SLC25A46: variants seen among roughly 807,000 people sequenced by gnomAD.
SLC25A46 encodes mitochondrial outer membrane protein SLC25A46.
A neutral mutation model predicts 44.6 loss-of-function variants in SLC25A46; 39 were observed. That is an observed-to-expected ratio of 0.87 (90% CI 0.68 to 1.14). The LOEUF is 1.14. Among genes scored for constraint, SLC25A46 ranks in the 50% most tolerant of loss-of-function variants. The pLI, the probability that SLC25A46 is intolerant of heterozygous loss-of-function variation, is 0.00. For synonymous variants in SLC25A46, 202 were observed against 185.8 expected, an observed-to-expected ratio of 1.09 and a Z score of -0.71; for missense variants, 547 against 522.7, an observed-to-expected ratio of 1.05 and a Z score of -0.45.
At chr5:110,759,343 G>T (rs10463431) in intron 7 of SLC25A46, among the ~76,000 whole-genome samples, 1 of 152,222 alleles carries the variant, frequency 6.6e-6, no homozygotes, top group East Asian at 1.9e-4. Flanking sequence ...TGCATATTTG[G>T]GAGAATATTC....
Position 110,739,410 on chromosome 5 carries a change from G to A in SLC25A46, c.283+8G>A. 1.3e-6 allele frequency: 2 copies of A among 1,538,008 alleles called. No homozygotes were observed. Among genetic ancestry groups the A allele is most frequent in the Non-Finnish European group, 1.7e-6 (2 of 1,147,662 alleles). ...TGCAGGGGCAGAGCAGTGGTGAGAAGCATGGGGACCGACACAGGGATGAGG... is the reference window on the plus strand; with the variant it reads ...TGCAGGGGCAGAGCAGTGGTGAGAAACATGGGGACCGACACAGGGATGAGG... On this transcript the variant is annotated splice_region_variant and intron_variant, in intron 1 of 7. Transcript: ENST00000355943.
At chr5:110,758,086 G>A (rs1387505952) in intron 7 of SLC25A46, among the ~76,000 whole-genome samples, 1 of 152,062 alleles carries the variant, frequency 6.6e-6, no homozygotes, top group Non-Finnish European at 1.5e-5. Flanking sequence ...CCTGCTTCAA[G>A]TTCCACTTGC....
chr5:110,753,003 C>G (rs1800006522), intron 5 of SLC25A46, among the ~76,000 whole-genome samples: 1 of 152,068 alleles, frequency 6.6e-6, no homozygotes, highest in Non-Finnish European at 1.5e-5. Context: ...GGATAAAAAC[C>G]AACAGAATGG....
intron 4 of SLC25A46, 46 bp from the exon 5 acceptor site, chr5:110,748,116 TC>T: frequency 7.6e-7 from 1 of 1,318,146 alleles, no homozygotes; most frequent in East Asian, 2.3e-5. Context: ...CTTTTGTGTT[TC>T]AGATGTAGGT....
At chr5:110,748,098 A>G in intron 4 of SLC25A46, 65 bp from the exon 5 acceptor site, 1 of 1,122,138 alleles carries the variant, frequency 8.9e-7, no homozygotes, top group South Asian at 1.3e-5. Flanking sequence ...ATCAAGTTTT[A>G]TTAAGATCTT....
At chr5:110,754,751 T>A (rs1458293460) in intron 5 of SLC25A46, 1 of 152,122 alleles carries the variant, frequency 6.6e-6, no homozygotes, top group African/African-American at 2.4e-5. Flanking sequence ...GGTTCTTCTT[T>A]GTATCAAATA....
chr5:110,742,557 T>C (rs1010647898), intron 2 of SLC25A46, among the ~76,000 whole-genome samples: 22 of 152,058 alleles, frequency 1.4e-4, no homozygotes, highest in African/African-American at 5.3e-4. Context: ...AGTGATCTAG[T>C]TTCATTTTAT....
chr5:110,746,884 A>C (rs10069246), intron 4 of SLC25A46, among the ~76,000 whole-genome samples: 14,444 of 152,172 alleles, frequency 0.095, 812 homozygotes, highest in South Asian at 0.2. Flanking sequence ...AATGGAGTAC[A>C]ATGGGAGCTT....
intron 5 of SLC25A46, chr5:110,753,412 T>G (rs77574462): frequency 2.0e-5 from 3 of 151,454 alleles, no homozygotes; most frequent in Non-Finnish European, 4.4e-5. Context: ...TGATTATGCA[T>G]AGGAGTATGT....
chr5:110,760,168 A>C (rs907839336), intron 7 of SLC25A46, among the ~76,000 whole-genome samples: 1 of 152,108 alleles, frequency 6.6e-6, no homozygotes, highest in Admixed American at 6.6e-5. Context: ...GTTCCTCTGG[A>C]CAGCAACCTT....
chr5:110,738,152 C>A, upstream of SLC25A46: 1 of 1,159,912 alleles, frequency 8.6e-7, no homozygotes, highest in Non-Finnish European at 1.1e-6. Flanking sequence ...CCTGGGCTTC[C>A]AACGAGTTGA....
At chr5:110,739,524 C>G in intron 1 of SLC25A46, 122 bp downstream of exon 1, 1 of 1,355,374 alleles carries the variant, frequency 7.4e-7, no homozygotes, top group Non-Finnish European at 9.7e-7. Flanking sequence ...TATCGCGCGC[C>G]ACACCCTTTG....
chr5:110,755,659 G>A (rs1185835502), intron 6 of SLC25A46, 138 bp downstream of exon 6: 3 of 492,258 alleles, frequency 6.1e-6, no homozygotes, highest in Non-Finnish European at 1.1e-5. Flanking sequence ...TAACTTCAAA[G>A]GACAAAGTAA....
chr5:110,742,030 A>ATT lies in SLC25A46; in HGVS notation c.284-9_284-8dup. On this transcript the variant is annotated splice_polypyrimidine_tract_variant and intron_variant, in intron 1 of 7. Coordinates refer to ENST00000355943, the MANE Select transcript of SLC25A46 (RefSeq NM_138773.4). The stretch of plus-strand genomic sequence containing the variant: ...TCAGTAATCTTATTTTTTTATTTCT[A>ATT]TTTTTTTTTACTTTAGAACAGCTGA... 3 of 1,486,616 alleles carry ATT rather than the reference A, an allele frequency of 2.0e-6. No homozygotes were observed. The highest frequency in any genetic ancestry group is 2.7e-6 in the Non-Finnish European group (3 of 1,091,446). 92.1% of individuals were successfully genotyped at this position (1,486,616 alleles called of 1,614,324 possible). A position where few individuals can be genotyped will look rare whatever the true frequency, so the allele number is the denominator to read the frequency against.
At chr5:110,738,952 G>A (rs1006234534), upstream of SLC25A46, 3 of 1,440,106 alleles carry the variant, frequency 2.1e-6, no homozygotes, top group Non-Finnish European at 2.7e-6. Context: ...GCCGGAAGAG[G>A]CTATAATCAC....
Position 110,739,346 on chromosome 5 carries a change from C to T in SLC25A46, c.227C>T (p.Pro76Leu), listed in dbSNP as rs1214749405. 3.2e-6 allele frequency: 5 copies of T among 1,563,440 alleles called. 1 individual carries two copies. The South Asian group carries it at 3.5e-5, about 11-fold the overall frequency. Reference protein sequence around the residue: ...VPTTSTPYEGPTEEPFSSGGG... With the variant: ...VPTTSTPYEGLTEEPFSSGGG... ...ACCACCTCCACCCCGTACGAAGGCC[C>T]CACGGAGGAACCCTTTTCCAGTGGC... The change falls in exon 1 of 8, where the codon CCC (proline) becomes CTC (leucine). Residue 76 changes from proline to leucine, a missense_variant. By Grantham distance (98) the Pro-to-Leu change is moderately conservative. Transcript: ENST00000355943.
In SLC25A46 at chr5:110,761,328, C is replaced by T. The variant is rs751900293; in HGVS notation, c.803C>T (p.Thr268Met). The change falls in exon 8 of 8, where the codon ACG becomes ATG. Residue 268 changes from threonine to methionine, a missense_variant. By Grantham distance (81) the Thr-to-Met change is moderately conservative. Coordinates refer to ENST00000355943, the MANE Select transcript of SLC25A46 (RefSeq NM_138773.4). The surrounding 1 kb of genome is among the most constrained non-coding windows in gnomAD (Gnocchi z 5.3). Reference sequence around the variant, plus strand: ...CCGCTTCTTTCCTTGATCTTCCCTACGGTGCTTCATGGAGTTCTTCATTAC... The same window carrying T: ...CCGCTTCTTTCCTTGATCTTCCCTATGGTGCTTCATGGAGTTCTTCATTAC... Reference protein sequence around the residue: ...LLPLLSLIFPTVLHGVLHYII... With the variant: ...LLPLLSLIFPMVLHGVLHYII... 1.9e-6 allele frequency: 3 copies of T among 1,613,780 alleles called. No individual in the cohort carries two copies. Among genetic ancestry groups the T allele is most frequent in the Admixed American group, 1.7e-5 (1 of 59,952 alleles).
At chr5:110,746,998 T>C (rs577472959) in intron 4 of SLC25A46, among the ~76,000 whole-genome samples, 2 of 152,266 alleles carry the variant, frequency 1.3e-5, no homozygotes, top group East Asian at 3.9e-4. Flanking sequence ...TACTAGATCT[T>C]AAAAGCTACA....
In SLC25A46 at chr5:110,748,175, C is replaced by T. The variant is rs1442411639; in HGVS notation, c.475C>T (p.Leu159=). 1 of 1,612,714 alleles carries T rather than the reference C, an allele frequency of 6.2e-7. No homozygotes were observed. The highest frequency in any genetic ancestry group is 2.2e-5 in the East Asian group (1 of 44,822). Residue 159 remains leucine (L), a synonymous_variant, in exon 5 of 8, where the codon CTG becomes TTG. Coordinates refer to ENST00000355943, the MANE Select transcript of SLC25A46 (RefSeq NM_138773.4). ...TTGTTCAATTTAGGGACCTAGAGCC[C>T]TGTGGAAAGGAATGGGAAGTACATT... ...SFNKTQGPRA[L]WKGMGSTFIV... is the part of the protein sequence containing the mutation.
Sources: allele counts gnomAD v4.1 joint callset (sites outside exome capture counted in the v4.1 genomes callset), GRCh38; gene constraint gnomAD v4.1.1; non-coding constraint Gnocchi (gnomAD v3.1); transcripts MANE v1.5; gene names NCBI Gene and HGNC (gene_info 2026-07-23, HGNC 2026-07-21).